Variants in CSMD1 observed in about 807,000 individuals in gnomAD.
CSMD1 encodes the protein CUB and sushi domain-containing protein 1.
In CSMD1, 213 loss-of-function variants were observed where a neutral mutation model predicts 417.5. The ratio of observed to expected loss-of-function variants is 0.51; its 90% CI spans 0.46 to 0.57. The LOEUF is 0.57. CSMD1 is among the 20% of genes least tolerant of loss of function. The pLI is 0.00. For missense variants in CSMD1, 6,923 were observed against 4,529.7 expected (o/e 1.53, Z -15.17); for synonymous variants, 2,862 against 1,736.8 (o/e 1.65, Z -16.11).
chr8:4,330,847 C>T (rs1404304609), intron 3 of CSMD1, among the ~76,000 whole-genome samples: 2 of 152,126 alleles, frequency 1.3e-5, no homozygotes, highest in African/African-American at 4.8e-5. Context: ...ATCCCACCTT[C>T]CCAGATTCTA....
At chr8:3,954,746 C>A (rs1026977764) in intron 5 of CSMD1, among the ~76,000 whole-genome samples, 1 of 151,776 alleles carries the variant, frequency 6.6e-6, no homozygotes, top group Non-Finnish European at 1.5e-5. Flanking sequence ...GCCCTCCTTG[C>A]CCCTCAGAAC....
chr8:3,910,633 T>G (rs1808402296), intron 5 of CSMD1, among the ~76,000 whole-genome samples: 2 of 152,204 alleles, frequency 1.3e-5, no homozygotes, highest in Non-Finnish European at 2.9e-5. Context: ...ATAAAGCTAT[T>G]GTGCTTAATA....
intron 3 of CSMD1, among the ~76,000 whole-genome samples, chr8:4,226,333 T>C (rs1801354543): frequency 1.3e-5 from 2 of 152,210 alleles, no homozygotes; most frequent in African/African-American, 4.8e-5. Flanking sequence ...CATCAAATAC[T>C]CTACTTAAAA....
intron 4 of CSMD1, among the ~76,000 whole-genome samples, chr8:4,004,787 C>G (rs916007077): frequency 6.6e-6 from 1 of 152,016 alleles, no homozygotes; most frequent in Non-Finnish European, 1.5e-5. Flanking sequence ...CTCTGTTGCC[C>G]AGGCTGGAGT....
chr8:4,539,889 G>A lies in CSMD1; in HGVS notation c.302+97453C>T, dbSNP rs1797293850. Among the ~76,000 whole-genome samples, 7 of 152,242 alleles carry A rather than the reference G, an allele frequency of 4.6e-5. No homozygotes were observed. The South Asian group carries it at 1.2e-3, about 27-fold the overall frequency. ...TCTGCCTCAAGACAGGAACCCCAGA[G>A]AGGTTGGGTGTGCGGAAATCTCAGG... On this transcript the variant is annotated intron_variant, in intron 2 of 69. Transcript: ENST00000635120.
chr8:4,687,618 G>C (rs960232148), intron 1 of CSMD1, among the ~76,000 whole-genome samples: 5 of 152,136 alleles, frequency 3.3e-5, no homozygotes, highest in African/African-American at 9.7e-5. Flanking sequence ...TATTTTCCCG[G>C]TGAATTATGA....
At chr8:4,424,310 C>G (rs988599117) in intron 2 of CSMD1, among the ~76,000 whole-genome samples, 7 of 151,876 alleles carry the variant, frequency 4.6e-5, no homozygotes, top group Non-Finnish European at 7.4e-5. Context: ...AGACAAGTAT[C>G]TAGAATATAC....
rs147552483 is a variant in CSMD1 at position 4,238,214 on chromosome 8, T to C, written c.415+181739A>G. Reference sequence around the variant, plus strand: ...CGTCGATATTAACACACTCCCACCCTATAAAATGGGCTGAGGGTCTTCTAT... The same window carrying C: ...CGTCGATATTAACACACTCCCACCCCATAAAATGGGCTGAGGGTCTTCTAT... On this transcript the variant is annotated intron_variant, in intron 3 of 69. Transcript: ENST00000635120. Among the ~76,000 whole-genome samples the C allele has an allele frequency of 5.4e-3, 815 of 152,272 alleles. 6 individuals carry two copies. The highest frequency in any genetic ancestry group is 9.3e-3 in the South Asian group (45 of 4,830).
intron 3 of CSMD1, among the ~76,000 whole-genome samples, chr8:4,381,975 T>C (rs554088053): frequency 1.3e-5 from 2 of 152,078 alleles, no homozygotes; most frequent in African/African-American, 4.8e-5. Context: ...ACACTCTCTG[T>C]GGTAAAATGA....
intron 3 of CSMD1, among the ~76,000 whole-genome samples, chr8:4,050,308 G>A (rs72624069): frequency 0.11 from 17,166 of 152,110 alleles, 1,399 homozygotes; most frequent in East Asian, 0.35. Context: ...CAGAACTTAA[G>A]GAATACGAAA....
intron 1 of CSMD1, among the ~76,000 whole-genome samples, chr8:4,786,750 T>C (rs1000501073): frequency 2.6e-5 from 4 of 152,198 alleles, no homozygotes; most frequent in African/African-American, 7.2e-5. Context: ...TTTTTTTTCT[T>C]AACACATGTT....
intron 42 of CSMD1, among the ~76,000 whole-genome samples, chr8:3,113,643 G>A (rs1286408227): frequency 6.6e-6 from 1 of 152,176 alleles, no homozygotes; most frequent in Non-Finnish European, 1.5e-5. Flanking sequence ...TACCACGGAG[G>A]CTTCCCTTCG....
At chr8:4,269,656 T>A (rs371227946) in intron 3 of CSMD1, among the ~76,000 whole-genome samples, 5 of 152,200 alleles carry the variant, frequency 3.3e-5, no homozygotes, top group Non-Finnish European at 7.3e-5. Context: ...TTTATCAGGT[T>A]GCCTGATCCA....
In CSMD1 at chr8:3,738,820, A is replaced by G. The variant is rs150705402; in HGVS notation, c.931+15110T>C. On this transcript the variant is annotated intron_variant, in intron 6 of 69. Coordinates refer to ENST00000635120, the MANE Select transcript of CSMD1 (RefSeq NM_033225.6). ...CAGATAGGCTCACACGCGTGACACC[A>G]TGTTTCTCTTCATCTAAAATAGGCA... Among the ~76,000 whole-genome samples the G allele has an allele frequency of 4.6e-3, 696 of 152,274 alleles. 23 individuals are homozygous for G. In the East Asian group the frequency reaches 0.076, roughly 17 times the overall value.
At chr8:3,467,380 A>T (rs1264198780) in intron 12 of CSMD1, among the ~76,000 whole-genome samples, 1 of 152,212 alleles carries the variant, frequency 6.6e-6, no homozygotes, top group African/African-American at 2.4e-5. Flanking sequence ...AATGCAGGTC[A>T]TGTGGAAAAT....
At chr8:3,922,528 T>C (rs1367025532) in intron 5 of CSMD1, among the ~76,000 whole-genome samples, 2 of 152,092 alleles carry the variant, frequency 1.3e-5, no homozygotes, top group South Asian at 2.1e-4. Context: ...TTTCTATTTA[T>C]TTTTTGTATA....
chr8:3,922,607 C>G (rs768292946), intron 5 of CSMD1, among the ~76,000 whole-genome samples: 8 of 152,078 alleles, frequency 5.3e-5, no homozygotes, highest in African/African-American at 1.9e-4. Flanking sequence ...CTGGTTAAAG[C>G]AGTCTATTTT....
At chr8:3,369,966 A>G (rs542053829) in intron 18 of CSMD1, among the ~76,000 whole-genome samples, 5 of 152,140 alleles carry the variant, frequency 3.3e-5, no homozygotes, top group Non-Finnish European at 7.4e-5. Flanking sequence ...TTGAAAATAG[A>G]AATTATGATA....
chr8:4,813,659 T>C (rs1463271471), intron 1 of CSMD1, among the ~76,000 whole-genome samples: 2 of 152,188 alleles, frequency 1.3e-5, no homozygotes, highest in Non-Finnish European at 2.9e-5. Context: ...AATTTACACG[T>C]TGCAAGAGAG....
Sources: allele counts gnomAD v4.1 joint callset (sites outside exome capture counted in the v4.1 genomes callset), GRCh38; gene constraint gnomAD v4.1.1; transcripts MANE v1.5; gene names NCBI Gene and HGNC (gene_info 2026-07-23, HGNC 2026-07-21).